The following ZPBP2 variants were observed in gnomAD, a reference collection of about 807,000 sequenced individuals.
ZPBP2 encodes zona pellucida-binding protein 2.
In ZPBP2, 34 loss-of-function variants were observed where a neutral mutation model predicts 37.5. The ratio of observed to expected loss-of-function variants is 0.91; its 90% CI spans 0.69 to 1.21. The LOEUF is 1.21. Among genes scored for constraint, ZPBP2 ranks in the 50% most tolerant of loss-of-function variants. The pLI, the probability that ZPBP2 is intolerant of heterozygous loss-of-function variation, is 0.00. For missense variants in ZPBP2, 397 were observed against 413.5 expected, an observed-to-expected ratio of 0.96 and a Z score of 0.35; for synonymous variants, 143 against 138.4, an observed-to-expected ratio of 1.03 and a Z score of -0.23.
At chr17:39,873,020 G>A (rs539007328) in intron 5 of ZPBP2, 24 bp from the exon 6 acceptor site, 2 of 1,604,100 alleles carry the variant, frequency 1.2e-6, no homozygotes, top group East Asian at 2.2e-5. Flanking sequence ...CCCTTTGTGA[G>A]TCTATCATTT....
chr17:39,876,595 T>TA, intron 7 of ZPBP2, 87 bp from the exon 8 acceptor site: 1 of 1,466,432 alleles, frequency 6.8e-7, no homozygotes, highest in Non-Finnish European at 9.3e-7. Flanking sequence ...TAAAGGCAGA[T>TA]TTATATTGTT....
At chr17:39,876,659 A>G in intron 7 of ZPBP2, 23 bp from the exon 8 acceptor site, 1 of 1,611,344 alleles carries the variant, frequency 6.2e-7, no homozygotes, top group East Asian at 2.2e-5. Context: ...AATTATAATT[A>G]CTCCCTGTGT....
chr17:39,871,384 G>T, intron 3 of ZPBP2, 80 bp from the exon 4 acceptor site: 1 of 979,232 alleles, frequency 1.0e-6, no homozygotes, highest in Non-Finnish European at 1.4e-6. Flanking sequence ...TAAAATTTTT[G>T]TATCTATTTG....
Position 39,873,202 on chromosome 17 carries a change from G to A in ZPBP2, c.708+76G>A, listed in dbSNP as rs2063373609. 6.6e-6 allele frequency: 9 copies of A among 1,367,980 alleles called. No individual in the cohort carries two copies. In the African/African-American group the frequency reaches 7.4e-5, roughly 11 times the overall value. The allele number at this position is 1,367,980 out of a possible 1,614,324, so 84.7% of individuals were successfully genotyped here. On this transcript the variant is annotated intron_variant, in intron 6 of 7. Coordinates refer to ENST00000348931, the MANE Select transcript of ZPBP2 (RefSeq NM_199321.3). ...GACAGGGTGTCACCCAGGCTGGAGT[G>A]CAGTGGTGCGACCATAGCTCACTGC...
In ZPBP2 at chr17:39,876,704, T is replaced by G; in HGVS notation, c.912T>G (p.Phe304Leu). Residue 304 changes from phenylalanine (F) to leucine (L), a missense_variant, in exon 8 of 8, where the codon TTT becomes TTG. Phe to Leu is a conservative substitution (Grantham distance 22). Coordinates refer to ENST00000348931, the MANE Select transcript of ZPBP2 (RefSeq NM_199321.3). ...CAGTGGTTTGTAGTCCTGCGACTTT[T>G]AGTCCTGATGTTAATGTAACTTGTC... ...SCCVVCSPAT[F>L]SPDVNVTCQT... The G allele has an allele frequency of 5.6e-6, 9 of 1,613,936 alleles. No homozygotes were observed. Among genetic ancestry groups the G allele is most frequent in the Non-Finnish European group, 7.6e-6 (9 of 1,179,884 alleles).
rs75027016 is a variant in ZPBP2 at position 39,868,586 on chromosome 17, C to T, written c.90C>T (p.Gly30=). 7.3e-3 allele frequency: 11,721 copies of T among 1,614,090 alleles called. 548 individuals are homozygous for T. In the East Asian group the frequency reaches 0.12, roughly 16 times the overall value. Residue 30 remains glycine (G), a synonymous_variant, in exon 2 of 8, where the codon GGC becomes GGT. Coordinates refer to ENST00000348931, the MANE Select transcript of ZPBP2 (RefSeq NM_199321.3). ...GTTTTACCTTATTCAATAAGAAGGG[C>T]TTCATTTATGGCAAGACAGGACAGC... The part of the protein sequence containing the change: ...CPRFTLFNKK[G]FIYGKTGQPD...
intron 6 of ZPBP2, 25 bp downstream of exon 6, chr17:39,873,151 A>C: frequency 6.3e-7 from 1 of 1,597,914 alleles, no homozygotes; most frequent in Non-Finnish European, 8.5e-7. Context: ...GTAAGGAAGA[A>C]GTATTTGTCT....
chr17:39,870,878 C>T, intron 3 of ZPBP2, 59 bp downstream of exon 3: 1 of 1,299,456 alleles, frequency 7.7e-7, no homozygotes, highest in Non-Finnish European at 1.0e-6. Context: ...TAGAAAATCA[C>T]TGTTACTTAT....
intron 2 of ZPBP2, 150 bp downstream of exon 2, chr17:39,868,764 G>C: frequency 1.2e-6 from 1 of 847,676 alleles, no homozygotes. Flanking sequence ...CACGACGGTC[G>C]CATTTTTTCA....
At chr17:39,872,214 G>C in intron 4 of ZPBP2, 56 bp from the exon 5 acceptor site, 8 of 1,371,416 alleles carry the variant, frequency 5.8e-6, no homozygotes, top group Non-Finnish European at 6.9e-6. Flanking sequence ...GTTTGGTAGA[G>C]GAAATTAATG....
chr17:39,871,331 A>ATTTTG (rs1233071627), intron 3 of ZPBP2, 133 bp from the exon 4 acceptor site: 1 of 542,616 alleles, frequency 1.8e-6, no homozygotes, highest in Non-Finnish European at 3.1e-6. Context: ...GACAGAATTA[A>ATTTTG]GATTTTGTGG....
Position 39,868,564 on chromosome 17 carries a change from T to C in ZPBP2, c.68T>C (p.Phe23Ser), listed in dbSNP as rs924603138. Residue 23 changes from phenylalanine (F) to serine (S), a missense_variant, in exon 2 of 8, where the codon TTT becomes TCT. Transcript: ENST00000348931. ...TCCTCCGCAGTCCAATGCCCGCGTT[T>C]TACCTTATTCAATAAGAAGGGCTTC... ...WCLTGVQCPR[F>S]TLFNKKGFIY... 4 of 1,614,022 alleles carry C rather than the reference T, an allele frequency of 2.5e-6. No homozygotes were observed. In the African/African-American group the frequency reaches 5.3e-5, roughly 22 times the overall value.
rs1042890342 is a variant in ZPBP2 at position 39,872,976 on chromosome 17, G to T, written c.626-68G>T. 17 of 1,416,132 alleles carry T rather than the reference G, an allele frequency of 1.2e-5. No homozygotes were observed. The East Asian group carries it at 3.7e-4, about 31-fold the overall frequency. The allele number at this position is 1,416,132 out of a possible 1,614,324, so 87.7% of individuals were successfully genotyped here. A position where few individuals can be genotyped will look rare whatever the true frequency, so the allele number is the denominator to read the frequency against. On this transcript the variant is annotated intron_variant, in intron 5 of 7. Coordinates refer to ENST00000348931, the MANE Select transcript of ZPBP2 (RefSeq NM_199321.3). ...GCATGCACATGGAATTCAGCACTTG[G>T]ACCTTTATTGAAATGTTTGGAACTT...
At position 39,871,473 on chromosome 17, in the gene ZPBP2, GA is replaced by G; in HGVS notation, c.256del (p.Ile86Ter). ...PNEKTLTGNN[R>X]INITETGQLM... Reference sequence around the variant, plus strand: ...TTACTATTCTGTTTAGGAAATAATAGAATAAATATAACTGAAACTGGACAGC... The same window carrying G: ...TTACTATTCTGTTTAGGAAATAATAGATAAATATAACTGAAACTGGACAGC... On this transcript the variant is annotated frameshift_variant, in exon 4 of 8. Coordinates refer to ENST00000348931, the MANE Select transcript of ZPBP2 (RefSeq NM_199321.3). LOFTEE classifies it high-confidence loss of function. 6.3e-7 allele frequency: 1 copy of G among 1,583,696 alleles called. No homozygotes were observed. The highest frequency in any genetic ancestry group is 1.9e-5 in the Admixed American group (1 of 53,904).
chr17:39,875,139 A>C, intron 6 of ZPBP2, 115 bp from the exon 7 acceptor site: 2 of 953,618 alleles, frequency 2.1e-6, no homozygotes, highest in Non-Finnish European at 3.1e-6. Context: ...CTTTTCAGGA[A>C]TTTATCTACG....
rs770163821 is a variant in ZPBP2 at position 39,873,027 on chromosome 17, A to AT, written c.626-9dup. On this transcript the variant is annotated splice_polypyrimidine_tract_variant and intron_variant, in intron 5 of 7. Transcript: ENST00000348931. ...TTCAGAATCCCTTTGTGAGTCTATC[A>AT]TTTTTTTTCTCTTCAGTTAATCCTT... is the stretch of plus-strand genomic sequence containing the variant. The AT allele has an allele frequency of 1.2e-5, 19 of 1,606,570 alleles. No homozygotes were observed. Among genetic ancestry groups the AT allele is most frequent in the East Asian group, 6.7e-5 (3 of 44,484 alleles).
Position 39,876,853 on chromosome 17 carries a change from G to C in ZPBP2, c.*44G>C. On this transcript the variant is annotated 3_prime_UTR_variant, in exon 8 of 8. Coordinates refer to ENST00000348931, the MANE Select transcript of ZPBP2 (RefSeq NM_199321.3). Reference sequence around the variant, plus strand: ...TTACTTGTGGAAGTCGGGGACATAAGATGATTTTCACATCCCAGAGCATCA... The same window carrying C: ...TTACTTGTGGAAGTCGGGGACATAACATGATTTTCACATCCCAGAGCATCA... 4 of 1,608,840 alleles carry C rather than the reference G, an allele frequency of 2.5e-6. No individual in the cohort carries two copies. Among genetic ancestry groups the C allele is most frequent in the Non-Finnish European group, 3.4e-6 (4 of 1,176,956 alleles).
Position 39,876,724 on chromosome 17 carries a change from C to CT in ZPBP2, c.934dup (p.Cys312LeufsTer13). 1 of 1,613,948 alleles carries CT rather than the reference C, an allele frequency of 6.2e-7. No individual in the cohort carries two copies. The highest frequency in any genetic ancestry group is 2.2e-5 in the East Asian group (1 of 44,834). ...ACTTTTAGTCCTGATGTTAATGTAA[C>CT]TTGTCAGACCTGCGTTTCCGTCCTT... is the stretch of plus-strand genomic sequence containing the variant. On this transcript the variant is annotated frameshift_variant, in exon 8 of 8. Coordinates refer to ENST00000348931, the MANE Select transcript of ZPBP2 (RefSeq NM_199321.3). LOFTEE classifies it high-confidence loss of function.
At position 39,875,068 on chromosome 17, in the gene ZPBP2, A is replaced by G. The variant is rs576352174; in HGVS notation, c.709-186A>G. On this transcript the variant is annotated intron_variant, in intron 6 of 7. Transcript: ENST00000348931. ...CCAGCCAATTTTTCTTAACCATTGC[A>G]CATATTAATTGACAACAGTTGATAA... is the stretch of plus-strand genomic sequence containing the variant. 5.9e-5 allele frequency among the ~76,000 whole-genome samples: 9 copies of G among 152,342 alleles called. No homozygotes were observed. The South Asian group carries it at 1.9e-3, about 32-fold the overall frequency.
Sources: gnomAD v4.1 joint callset for allele counts (sites outside exome capture counted in the v4.1 genomes callset) on GRCh38, gnomAD v4.1.1 for gene constraint, MANE v1.5 for transcripts, NCBI Gene and HGNC (gene_info 2026-07-23, HGNC 2026-07-21) for gene names.